MAML3: variants seen among roughly 807,000 people sequenced by gnomAD.
The protein encoded by MAML3 is mastermind-like protein 3.
MAML3 carries 27 observed loss-of-function variants against 101.9 expected under a neutral mutation model. The ratio of observed to expected loss-of-function variants is 0.27; its 90% CI spans 0.20 to 0.37. The LOEUF is 0.37. Ranked by LOEUF, MAML3 falls within the 10% of genes least tolerant of loss-of-function variation. The probability of loss-of-function intolerance (pLI) is 1.00; values close to 1 mark genes in which losing one functional copy is unlikely to be tolerated. For synonymous variants in MAML3, 501 were observed against 555.9 expected (o/e 0.90, Z 1.39); for missense variants, 1,316 against 1,444.9 (o/e 0.91, Z 1.45).
At position 139,864,923 on chromosome 4, in the gene MAML3, C is replaced by CTTTTTTTT. The variant is rs56361332; in HGVS notation, c.2079+24426_2079+24433dup. ...TTAGGAAAATAGTAATGCAAACTTG[C>CTTTTTTTT]TTTTTTTTTTTTTTTTTTTTTTTTT... On this transcript the variant is annotated intron_variant, in intron 2 of 4. Coordinates refer to ENST00000509479, the MANE Select transcript of MAML3 (RefSeq NM_018717.5). Among the ~76,000 whole-genome samples the CTTTTTTTT allele has an allele frequency of 6.4e-5, 4 of 62,452 alleles. 1 individual carries two copies. Among genetic ancestry groups the CTTTTTTTT allele is most frequent in the Non-Finnish European group, 8.8e-5 (3 of 34,280 alleles). 41.0% of individuals were successfully genotyped at this position (62,452 alleles called of 152,430 possible).
chr4:139,730,256 A>G lies in MAML3; in HGVS notation c.2331+160T>C, dbSNP rs892545149. 20 of 660,114 alleles carry G rather than the reference A, an allele frequency of 3.0e-5. No homozygotes were observed. In the East Asian group the frequency reaches 5.2e-4, roughly 17 times the overall value. The allele number at this position is 660,114 out of a possible 1,614,324, so 40.9% of individuals were successfully genotyped here. A position where few individuals can be genotyped will look rare whatever the true frequency, so the allele number is the denominator to read the frequency against. On this transcript the variant is annotated intron_variant, in intron 3 of 4. Transcript: ENST00000509479. ...TTATAGGAAAAACCCTAACTAATTG[A>G]AAGGTCTAAATTCTTCAGGTTCTCT...
chr4:139,771,974 T>TC (rs1729992985), intron 2 of MAML3, among the ~76,000 whole-genome samples: 2 of 147,078 alleles, frequency 1.4e-5, no homozygotes, highest in African/African-American at 5.0e-5. Flanking sequence ...GCGCGGTGGC[T>TC]CACGCCTGTA....
At chr4:139,758,330 T>A (rs1450637195) in intron 2 of MAML3, among the ~76,000 whole-genome samples, 1 of 152,208 alleles carries the variant, frequency 6.6e-6, no homozygotes, top group Non-Finnish European at 1.5e-5. Context: ...TGAGTATACG[T>A]TGCTGTGTAA....
intron 2 of MAML3, among the ~76,000 whole-genome samples, chr4:139,875,354 GAGAA>G (rs1437422939): frequency 6.6e-6 from 1 of 152,166 alleles, no homozygotes; most frequent in Non-Finnish European, 1.5e-5. Flanking sequence ...CAAAAACGGA[GAGAA>G]CTGTGACTGC....
intron 1 of MAML3, among the ~76,000 whole-genome samples, chr4:140,114,783 AT>A (rs1728490525): frequency 6.6e-6 from 1 of 152,226 alleles, no homozygotes; most frequent in Admixed American, 6.5e-5. Context: ...GCCAGAACTT[AT>A]ATCTGTGAAT....
chr4:140,144,535 A>T (rs958979320), intron 1 of MAML3, among the ~76,000 whole-genome samples: 1 of 151,858 alleles, frequency 6.6e-6, no homozygotes, highest in East Asian at 1.9e-4. Flanking sequence ...GTCTCCGAAA[A>T]AAAAAGCAAA....
chr4:139,891,425 G>A (rs192458277), intron 1 of MAML3, among the ~76,000 whole-genome samples: 30 of 152,174 alleles, frequency 2.0e-4, no homozygotes, highest in Middle Eastern at 3.4e-3. Context: ...ATACAGGCAC[G>A]CGTCACCATG....
At chr4:140,011,156 TTA>T (rs1317911971) in intron 1 of MAML3, among the ~76,000 whole-genome samples, 3 of 78,134 alleles carry the variant, frequency 3.8e-5, no homozygotes, top group African/African-American at 5.3e-5. Flanking sequence ...TCATATATAT[TTA>T]TATATATGAC....
intron 2 of MAML3, among the ~76,000 whole-genome samples, chr4:139,837,452 C>A (rs796988777): frequency 1.3e-5 from 2 of 152,052 alleles, no homozygotes; most frequent in African/African-American, 4.8e-5. Context: ...GAGCTGAGAT[C>A]ATGCCACTGC....
chr4:140,049,743 C>CA (rs1289845248), intron 1 of MAML3, among the ~76,000 whole-genome samples: 3 of 150,938 alleles, frequency 2.0e-5, no homozygotes, highest in Non-Finnish European at 4.4e-5. Context: ...GTTATCTAGG[C>CA]AAAAAATAAG....
At chr4:139,757,518 C>T (rs570799472) in intron 2 of MAML3, among the ~76,000 whole-genome samples, 181 of 151,898 alleles carry the variant, frequency 1.2e-3, no homozygotes, top group Admixed American at 3.4e-3. Context: ...GGCGAGGTGG[C>T]GTGAGCCTGT....
chr4:139,843,193 C>T (rs10024138), intron 2 of MAML3, among the ~76,000 whole-genome samples: 48,938 of 152,008 alleles, frequency 0.32, 8,695 homozygotes, highest in East Asian at 0.68. Context: ...AAAAGCTCTA[C>T]GTGTACCCAC....
intron 2 of MAML3, among the ~76,000 whole-genome samples, chr4:139,849,195 A>G (rs1190357888): frequency 2.6e-5 from 4 of 152,212 alleles, no homozygotes; most frequent in African/African-American, 4.8e-5. Flanking sequence ...GGGAAAAATA[A>G]TGAACAAACA....
At chr4:140,126,267 G>A (rs1367872551) in intron 1 of MAML3, among the ~76,000 whole-genome samples, 1 of 150,582 alleles carries the variant, frequency 6.6e-6, no homozygotes, top group Non-Finnish European at 1.5e-5. Context: ...CCTCTTAAAT[G>A]TGAGGTCTCT....
At chr4:139,732,371 A>G (rs907294478) in intron 2 of MAML3, among the ~76,000 whole-genome samples, 2 of 151,974 alleles carry the variant, frequency 1.3e-5, no homozygotes, top group Admixed American at 6.6e-5. Context: ...CCTCTCCACT[A>G]TGACTGACTT....
chr4:140,027,033 T>C (rs1415661134), intron 1 of MAML3, among the ~76,000 whole-genome samples: 1 of 151,548 alleles, frequency 6.6e-6, no homozygotes, highest in Non-Finnish European at 1.5e-5. Flanking sequence ...TAGTTTACCT[T>C]AACACAAGAA....
intron 2 of MAML3, among the ~76,000 whole-genome samples, chr4:139,857,550 C>A (rs1462708242): frequency 6.6e-6 from 1 of 152,190 alleles, no homozygotes; most frequent in Admixed American, 6.5e-5. Flanking sequence ...ATTTAAGGTA[C>A]CCAAGTCTCC....
intron 2 of MAML3, among the ~76,000 whole-genome samples, chr4:139,770,890 G>A (rs1433625038): frequency 1.3e-5 from 2 of 152,208 alleles, no homozygotes; most frequent in Non-Finnish European, 2.9e-5. Context: ...CTAGGGAGAG[G>A]AGGGGGATAT....
intron 2 of MAML3, among the ~76,000 whole-genome samples, chr4:139,871,753 T>G (rs1732011191): frequency 6.6e-6 from 1 of 152,204 alleles, no homozygotes; most frequent in African/African-American, 2.4e-5. Flanking sequence ...CCAGTTTCCC[T>G]ACTCCCCTTT....
Sources: allele counts gnomAD v4.1 joint callset (sites outside exome capture counted in the v4.1 genomes callset), GRCh38; gene constraint gnomAD v4.1.1; transcripts MANE v1.5; gene names NCBI Gene and HGNC (gene_info 2026-07-23, HGNC 2026-07-21).